The following ALOX5 variants were observed in gnomAD, a reference collection of about 807,000 sequenced individuals.
The protein encoded by ALOX5 is polyunsaturated fatty acid 5-lipoxygenase.
Under a neutral mutation model 87.9 loss-of-function variants are expected in ALOX5, and 64 were observed. The observed-to-expected ratio is 0.73, with a 90% CI of 0.60 to 0.90. ALOX5 has a LOEUF of 0.90. Among genes scored for constraint, ALOX5 ranks in the 40% least tolerant of loss-of-function variants. ALOX5 has a pLI of 0.00. For synonymous variants in ALOX5, 388 were observed against 355.1 expected, an observed-to-expected ratio of 1.09 and a Z score of -1.04; for missense variants, 822 against 907.5, an observed-to-expected ratio of 0.91 and a Z score of 1.21.
intron 2 of ALOX5, among the ~76,000 whole-genome samples, chr10:45,382,989 T>C (rs1301338369): frequency 6.6e-6 from 1 of 152,268 alleles, no homozygotes; most frequent in Non-Finnish European, 1.5e-5. Context: ...TACAGGCAGA[T>C]ACCTATGGGA....
chr10:45,443,778 G>A lies in ALOX5; in HGVS notation c.1624G>A (p.Val542Met), dbSNP rs139110463. 15 of 1,612,188 alleles carry A rather than the reference G, an allele frequency of 9.3e-6. No homozygotes were observed. The highest frequency in any genetic ancestry group is 8.0e-5 in the African/African-American group (6 of 74,860). The change falls in exon 12 of 14, where the codon GTG (valine) becomes ATG (methionine). Residue 542 changes from valine (V) to methionine (M), a missense_variant. Coordinates refer to ENST00000374391, the MANE Select transcript of ALOX5 (RefSeq NM_000698.5). ...SREQLSEYLT[V>M]VIFTASAQHA... ...GGAGCAGCTGTCGGAGTACCTGACC[G>A]TGGTGATCTTCACCGCCTCCGCCCA... is the stretch of plus-strand genomic sequence containing the variant.
intron 3 of ALOX5, among the ~76,000 whole-genome samples, chr10:45,398,902 T>C (rs1346404492): frequency 6.6e-6 from 1 of 152,362 alleles, no homozygotes; most frequent in African/African-American, 2.4e-5. Context: ...AACAGTCTGC[T>C]AGCTCCTGAC....
At chr10:45,382,329 C>T (rs971313433) in intron 1 of ALOX5, among the ~76,000 whole-genome samples, 154 bp from the exon 2 acceptor site, 16 of 152,228 alleles carry the variant, frequency 1.1e-4, no homozygotes, top group African/African-American at 3.9e-4. Context: ...GCACGAATGT[C>T]AGAGTATCTT....
At chr10:45,410,372 A>G (rs971454263) in intron 3 of ALOX5, among the ~76,000 whole-genome samples, 1 of 152,250 alleles carries the variant, frequency 6.6e-6, no homozygotes, top group Non-Finnish European at 1.5e-5. Context: ...GCATTAATAC[A>G]AACAGCAAAA....
chr10:45,386,070 G>A (rs1007984456), intron 2 of ALOX5, among the ~76,000 whole-genome samples: 5 of 152,102 alleles, frequency 3.3e-5, no homozygotes. Context: ...TAGGGGCCGA[G>A]GCGGGTGGAT....
intron 2 of ALOX5, among the ~76,000 whole-genome samples, chr10:45,384,852 T>TATTATTATTATA (rs1839958568): frequency 6.6e-6 from 1 of 151,532 alleles, no homozygotes; most frequent in Admixed American, 6.6e-5. Flanking sequence ...TTATTATTAT[T>TATTATTATTATA]ATTATTTTGG....
intron 3 of ALOX5, among the ~76,000 whole-genome samples, chr10:45,407,273 C>G (rs1840917424): frequency 6.6e-6 from 1 of 152,172 alleles, no homozygotes; most frequent in African/African-American, 2.4e-5. Flanking sequence ...CCCTCCCTCC[C>G]CCACTTTCTT....
chr10:45,378,953 A>G (rs1839729669), intron 1 of ALOX5, among the ~76,000 whole-genome samples: 1 of 152,148 alleles, frequency 6.6e-6, no homozygotes, highest in Non-Finnish European at 1.5e-5. Context: ...AGTGAAACTC[A>G]GGGGCTCTCC....
chr10:45,378,171 G>C (rs1403838355), intron 1 of ALOX5, among the ~76,000 whole-genome samples: 1 of 147,712 alleles, frequency 6.8e-6, no homozygotes, highest in Admixed American at 6.7e-5. Context: ...AAAGCTGCCT[G>C]AAATACCCTC....
intron 7 of ALOX5, among the ~76,000 whole-genome samples, chr10:45,435,691 C>T (rs1187303451): frequency 6.6e-6 from 1 of 152,080 alleles, no homozygotes; most frequent in African/African-American, 2.4e-5. Context: ...TTGATGGGCA[C>T]CTAGGTTGAT....
chr10:45,393,256 G>T (rs1325346179), intron 2 of ALOX5, among the ~76,000 whole-genome samples: 1 of 152,082 alleles, frequency 6.6e-6, no homozygotes, highest in Non-Finnish European at 1.5e-5. Flanking sequence ...TTATCCACCA[G>T]GATCAAGTGG....
At chr10:45,418,581 T>C (rs1336627736) in intron 4 of ALOX5, among the ~76,000 whole-genome samples, 1 of 152,112 alleles carries the variant, frequency 6.6e-6, no homozygotes, top group Non-Finnish European at 1.5e-5. Context: ...CACCTGGGCG[T>C]CCTCTCTGAT....
At position 45,374,253 on chromosome 10, in the gene ALOX5, G is replaced by A; in HGVS notation, c.-27G>A. 6.9e-7 allele frequency: 1 copy of A among 1,455,718 alleles called. No homozygotes were observed. Among genetic ancestry groups the A allele is most frequent in the Non-Finnish European group, 9.1e-7 (1 of 1,103,366 alleles). 90.2% of individuals were successfully genotyped at this position (1,455,718 alleles called of 1,614,324 possible). On this transcript the variant is annotated 5_prime_UTR_variant, in exon 1 of 14. Transcript: ENST00000374391. Reference sequence around the variant, plus strand: ...CTGGACCGCCGCGCCGAGGCTCCCGGCGCTCGCTGCTCCCGCGGCCCGCGC... The same window carrying A: ...CTGGACCGCCGCGCCGAGGCTCCCGACGCTCGCTGCTCCCGCGGCCCGCGC...
chr10:45,382,156 C>T (rs969226273), intron 1 of ALOX5, among the ~76,000 whole-genome samples: 1 of 152,190 alleles, frequency 6.6e-6, no homozygotes, highest in Non-Finnish European at 1.5e-5. Flanking sequence ...GGTAACTGGG[C>T]AGGGAAGTGA....
chr10:45,407,769 A>G (rs1840935390), intron 3 of ALOX5, among the ~76,000 whole-genome samples: 1 of 152,232 alleles, frequency 6.6e-6, no homozygotes, highest in Non-Finnish European at 1.5e-5. Context: ...ATGCATTTGT[A>G]TCTGGTGGGT....
chr10:45,407,291 C>T (rs1047398881), intron 3 of ALOX5, among the ~76,000 whole-genome samples: 2 of 152,146 alleles, frequency 1.3e-5, no homozygotes, highest in South Asian at 2.1e-4. Flanking sequence ...CTTCCTCTCT[C>T]GTTCACTCTC....
intron 2 of ALOX5, among the ~76,000 whole-genome samples, chr10:45,393,836 G>C (rs954429837): frequency 1.3e-5 from 2 of 152,138 alleles, no homozygotes; most frequent in East Asian, 3.8e-4. Flanking sequence ...GCCAAATCAG[G>C]AGTGAACTCC....
In ALOX5 at chr10:45,410,084, A is replaced by G. The variant is rs564504420; in HGVS notation, c.432-2107A>G. ...CATTTGCTGGCACAGATGCCCTTGC[A>G]TGGCTCATTGTTTACATACTGAAAA... On this transcript the variant is annotated intron_variant, in intron 3 of 13. Coordinates refer to ENST00000374391, the MANE Select transcript of ALOX5 (RefSeq NM_000698.5). Among the ~76,000 whole-genome samples the G allele has an allele frequency of 8.5e-5, 13 of 152,396 alleles. No individual in the cohort carries two copies. The South Asian group carries it at 1.4e-3, about 17-fold the overall frequency.
chr10:45,438,120 T>G (rs931693490), intron 7 of ALOX5, among the ~76,000 whole-genome samples: 7 of 122,354 alleles, frequency 5.7e-5, no homozygotes, highest in African/African-American at 2.4e-4. Context: ...AAAGATAATT[T>G]GACTTCCTCT....
Sources: gnomAD v4.1 joint callset for allele counts (sites outside exome capture counted in the v4.1 genomes callset) on GRCh38, gnomAD v4.1.1 for gene constraint, MANE v1.5 for transcripts, NCBI Gene and HGNC (gene_info 2026-07-23, HGNC 2026-07-21) for gene names.